Variants in MIS18A observed in about 807,000 individuals in gnomAD.
The protein encoded by MIS18A is MIS18 kinetochore protein A.
Under a neutral mutation model 25.0 loss-of-function variants are expected in MIS18A, and 14 were observed. The observed-to-expected ratio is 0.56, with a 90% CI of 0.37 to 0.88. The LOEUF is 0.88. MIS18A is among the 40% of genes least tolerant of loss of function. The pLI, the probability that MIS18A is intolerant of heterozygous loss-of-function variation, is 0.00. For missense variants in MIS18A, 292 were observed against 290.8 expected (o/e 1.00, Z -0.03); for synonymous variants, 134 against 118.6 (o/e 1.13, Z -0.84).
At chr21:32,250,270 T>A in the MIS18A span, among the ~76,000 whole-genome samples, 2 of 152,200 alleles carry the variant, frequency 1.3e-5, no homozygotes, top group African/African-American at 4.8e-5. Context: ...ACAGAAATTC[T>A]ATACTAACCA....
chr21:32,157,054 CTTTTTTT>C, the MIS18A span, among the ~76,000 whole-genome samples: 2 of 121,534 alleles, frequency 1.6e-5, no homozygotes, highest in Non-Finnish European at 3.3e-5. Flanking sequence ...TTCTTTCTTT[CTTTTTTT>C]TTTTTTTTTG....
At chr21:32,258,875 T>C in the MIS18A span, among the ~76,000 whole-genome samples, 2,057 of 101,078 alleles carry the variant, frequency 0.02, 36 homozygotes, top group African/African-American at 0.033. Flanking sequence ...TATTTATTTA[T>C]TTACTTACTT....
chr21:32,167,031 C>T, the MIS18A span, among the ~76,000 whole-genome samples: 1 of 152,072 alleles, frequency 6.6e-6, no homozygotes, highest in Non-Finnish European at 1.5e-5. Flanking sequence ...ATGTAATAAA[C>T]CTGCACATTT....
chr21:32,160,549 C>A, the MIS18A span, among the ~76,000 whole-genome samples: 2 of 151,834 alleles, frequency 1.3e-5, no homozygotes, highest in African/African-American at 4.8e-5. Flanking sequence ...CATCAATCAA[C>A]ATACATAAGA....
At chr21:32,184,877 C>T in the MIS18A span, among the ~76,000 whole-genome samples, 1 of 152,132 alleles carries the variant, frequency 6.6e-6, no homozygotes. Flanking sequence ...TCTGCCTCCT[C>T]TGTGGCTCCC....
chr21:32,175,243 A>C, the MIS18A span, among the ~76,000 whole-genome samples: 1 of 152,184 alleles, frequency 6.6e-6, no homozygotes, highest in East Asian at 1.9e-4. Flanking sequence ...AAAATATCAA[A>C]ATGGTACATC....
chr21:32,154,780 T>C, the MIS18A span, among the ~76,000 whole-genome samples: 71,221 of 151,814 alleles, frequency 0.47, 17,403 homozygotes, highest in Middle Eastern at 0.61. Flanking sequence ...GGCAGGACTA[T>C]CTATGGCTGA....
At chr21:32,193,428 C>T in the MIS18A span, among the ~76,000 whole-genome samples, 9 of 152,074 alleles carry the variant, frequency 5.9e-5, no homozygotes, top group African/African-American at 2.2e-4. Flanking sequence ...TCCATTTTAC[C>T]AAAGTTCAAG....
the MIS18A span, among the ~76,000 whole-genome samples, chr21:32,193,164 G>A: frequency 6.6e-6 from 1 of 152,138 alleles, no homozygotes; most frequent in African/African-American, 2.4e-5. Context: ...CACTACCAGG[G>A]ACAGGCAGCG....
intron 2 of MIS18A, 81 bp downstream of exon 2, chr21:32,274,749 C>T (rs1291109594): frequency 2.8e-6 from 3 of 1,069,282 alleles, no homozygotes; most frequent in Non-Finnish European, 4.2e-6. Flanking sequence ...CCCAAGTAAT[C>T]TTACTACTAG....
At chr21:32,264,384 A>C (rs2123457383), downstream of MIS18A, among the ~76,000 whole-genome samples, 2 of 152,374 alleles carry the variant, frequency 1.3e-5, no homozygotes, top group Non-Finnish European at 2.9e-5. Context: ...AAAAATATAT[A>C]GCATTTCAGA....
At chr21:32,220,320 G>A in the MIS18A span, among the ~76,000 whole-genome samples, 3 of 152,238 alleles carry the variant, frequency 2.0e-5, no homozygotes, top group Non-Finnish European at 4.4e-5. Context: ...CTCCACTGGT[G>A]ATACCCTGGC....
the MIS18A span, among the ~76,000 whole-genome samples, chr21:32,231,065 G>A: frequency 5.3e-5 from 8 of 151,514 alleles, no homozygotes; most frequent in South Asian, 1.3e-3. Flanking sequence ...TGAAACCCCC[G>A]TCTCTAACAA....
the MIS18A span, among the ~76,000 whole-genome samples, chr21:32,252,239 AAGGAGGAGG>A: frequency 2.2e-3 from 127 of 57,072 alleles, 2 homozygotes; most frequent in East Asian, 0.02. Flanking sequence ...GAAGAAGAAG[AAGGAGGAGG>A]AGGAGGAGGA....
At chr21:32,193,007 A>G in the MIS18A span, among the ~76,000 whole-genome samples, 1 of 152,248 alleles carries the variant, frequency 6.6e-6, no homozygotes. Flanking sequence ...ACGGGAAAAC[A>G]GACGGTCAAC....
the MIS18A span, among the ~76,000 whole-genome samples, chr21:32,243,341 G>T: frequency 5.3e-5 from 8 of 152,226 alleles, no homozygotes; most frequent in Middle Eastern, 3.4e-3. Context: ...TAAAAAAAGA[G>T]TTGGATCTAG....
the MIS18A span, among the ~76,000 whole-genome samples, chr21:32,179,502 G>A: frequency 4.1e-4 from 63 of 152,188 alleles, no homozygotes; most frequent in Non-Finnish European, 9.0e-4. Context: ...TCTTCCAGGA[G>A]CCTGCAGATG....
chr21:32,270,269 A>G (rs944892258), intron 3 of MIS18A, 138 bp downstream of exon 3: 175 of 1,151,904 alleles, frequency 1.5e-4, no homozygotes, highest in Non-Finnish European at 2.0e-4. Flanking sequence ...AAGCAAAAAA[A>G]AAAAAAATTA....
the MIS18A span, among the ~76,000 whole-genome samples, chr21:32,175,373 T>A: frequency 6.6e-6 from 1 of 152,178 alleles, no homozygotes; most frequent in East Asian, 1.9e-4. Flanking sequence ...ACAAACATTG[T>A]ACACTTAGGT....
Sources: allele counts gnomAD v4.1 joint callset (sites outside exome capture counted in the v4.1 genomes callset), GRCh38; gene constraint gnomAD v4.1.1; transcripts MANE v1.5; gene names NCBI Gene and HGNC (gene_info 2026-07-23, HGNC 2026-07-21).